The following HAUS8 variants were observed in gnomAD, a reference collection of about 807,000 sequenced individuals.
HAUS8 encodes the protein HAUS augmin-like complex subunit 8.
A neutral mutation model predicts 42.9 loss-of-function variants in HAUS8; 38 were observed. The observed-to-expected ratio is 0.89, with a 90% confidence interval of 0.68 to 1.16. The LOEUF (loss-of-function observed/expected upper bound fraction) is 1.16, where lower values mean the gene tolerates loss of function less well. Among genes scored for constraint, HAUS8 ranks in the 50% most tolerant of loss-of-function variants. HAUS8 has a pLI of 0.00. For missense variants in HAUS8, 494 were observed against 511.6 expected (o/e 0.97, Z 0.33); for synonymous variants, 199 against 205.8 (o/e 0.97, Z 0.28).
In HAUS8 at chr19:17,058,599, G is replaced by A; in HGVS notation, c.595C>T (p.Leu199Phe). Residue 199 changes from leucine (L) to phenylalanine (F), a missense_variant, in exon 8 of 11, where the codon CTT becomes TTT. By Grantham distance (22) the Leu-to-Phe change is conservative. Coordinates refer to ENST00000253669, the MANE Select transcript of HAUS8 (RefSeq NM_033417.2). ...TCCCGCTTCCTCTGAGAGAGGAGAA[G>A]CCTGCGCTTCAGCTCGTGGGCCTTT... is the stretch of plus-strand genomic sequence containing the variant. ...QKKAHELKRR[L>F]LLSQRKRELA... The A allele has an allele frequency of 6.2e-7, 1 of 1,613,268 alleles. No homozygotes were observed. Among genetic ancestry groups the A allele is most frequent in the Non-Finnish European group, 8.5e-7 (1 of 1,179,756 alleles).
chr19:17,072,898 T>C (rs2057436806), intron 2 of HAUS8, among the ~76,000 whole-genome samples: 1 of 148,538 alleles, frequency 6.7e-6, no homozygotes, highest in Admixed American at 6.8e-5. Flanking sequence ...GGAGGATCAC[T>C]TGAGGTTAGG....
intron 4 of HAUS8, among the ~76,000 whole-genome samples, chr19:17,061,462 T>G (rs1194849219): frequency 6.6e-6 from 1 of 152,216 alleles, no homozygotes; most frequent in Non-Finnish European, 1.5e-5. Flanking sequence ...TTATTGTTAT[T>G]GCTTTTGCCC....
intron 8 of HAUS8, among the ~76,000 whole-genome samples, chr19:17,056,908 C>T (rs2057330261): frequency 6.6e-6 from 1 of 152,002 alleles, no homozygotes; most frequent in Non-Finnish European, 1.5e-5. Flanking sequence ...ATAGACAGAT[C>T]TTACTGTGTT....
At chr19:17,070,906 C>T (rs948967420) in intron 2 of HAUS8, among the ~76,000 whole-genome samples, 2 of 152,078 alleles carry the variant, frequency 1.3e-5, no homozygotes, top group Admixed American at 6.5e-5. Flanking sequence ...CCCGTCTCTA[C>T]TAAAACTACA....
chr19:17,071,285 C>T (rs1187056350), intron 2 of HAUS8, among the ~76,000 whole-genome samples: 3 of 152,092 alleles, frequency 2.0e-5, no homozygotes, highest in African/African-American at 7.2e-5. Context: ...AAGGAGGTAC[C>T]CTCAGAGTTA....
chr19:17,055,804 C>CCG (rs1160699895), intron 9 of HAUS8, 57 bp downstream of exon 9: 40 of 1,540,874 alleles, frequency 2.6e-5, no homozygotes, highest in Non-Finnish European at 3.4e-5. Flanking sequence ...CAGGAAGCAC[C>CCG]CACACACGCT....
chr19:17,060,207 C>A, intron 4 of HAUS8, 115 bp from the exon 5 acceptor site: 2 of 407,392 alleles, frequency 4.9e-6, no homozygotes, highest in Non-Finnish European at 8.6e-6. Context: ...AGCCCAATTT[C>A]GTCCAAGGTG....
intron 2 of HAUS8, among the ~76,000 whole-genome samples, chr19:17,070,378 C>G (rs998792407): frequency 4.6e-5 from 7 of 152,234 alleles, no homozygotes; most frequent in Admixed American, 6.5e-5. Flanking sequence ...AGGGCTGAGA[C>G]AGGCTGGCGT....
chr19:17,059,126 G>A (rs2305756), intron 6 of HAUS8, among the ~76,000 whole-genome samples: 67,324 of 152,060 alleles, frequency 0.44, 15,172 homozygotes, highest in South Asian at 0.58. Flanking sequence ...AGCAGCAGCT[G>A]GGTAGTCAAG....
At chr19:17,073,240 C>T (rs779934126) in intron 2 of HAUS8, 34 bp downstream of exon 2, 1 of 1,581,968 alleles carries the variant, frequency 6.3e-7, no homozygotes, top group Non-Finnish European at 8.7e-7. Flanking sequence ...AAGAAGAAAA[C>T]CATGTTCCTT....
At chr19:17,053,390 G>GGCGA in intron 9 of HAUS8, 1 of 194,800 alleles carries the variant, frequency 5.1e-6, no homozygotes, top group South Asian at 9.5e-5. Flanking sequence ...AGGACAACAC[G>GGCGA]CCTCTCTACC....
intron 8 of HAUS8, among the ~76,000 whole-genome samples, chr19:17,057,192 A>C (rs1488696356): frequency 6.6e-6 from 1 of 152,096 alleles, no homozygotes; most frequent in Non-Finnish European, 1.5e-5. Context: ...TGTACTAAAA[A>C]TACAAAATTT....
chr19:17,055,201 G>T (rs1190653116), intron 9 of HAUS8: 1 of 100,772 alleles, frequency 9.9e-6, no homozygotes, highest in Non-Finnish European at 1.8e-5. Flanking sequence ...TAAGCCAGGT[G>T]TGGTGGTGCC....
chr19:17,055,876 C>G lies in HAUS8; in HGVS notation c.772G>C (p.Gly258Arg). The G allele has an allele frequency of 6.2e-7, 1 of 1,614,014 alleles. No homozygotes were observed. The highest frequency in any genetic ancestry group is 8.5e-7 in the Non-Finnish European group (1 of 1,180,010). The part of the protein sequence containing the change: ...PVRSIHLEGD[G>R]QQLLDALQHE... ...CGTTTCCTACCTAAGAGCTGCTGCC[C>G]ATCTCCCTCCAGGTGGATGGACCTC... Residue 258 changes from glycine (G) to arginine (R), a missense_variant, in exon 9 of 11, where the codon GGG (glycine) becomes CGG (arginine). Physicochemically the swap from Gly to Arg is moderately radical, Grantham distance 125. Transcript: ENST00000253669.
intron 6 of HAUS8, 75 bp downstream of exon 6, chr19:17,059,482 C>T (rs912828688): frequency 1.0e-6 from 1 of 1,004,616 alleles, no homozygotes; most frequent in African/African-American, 1.6e-5. Context: ...GGGCACTCAG[C>T]ATCTGGTTCA....
chr19:17,060,346 C>T (rs546378558), intron 4 of HAUS8: 107 of 411,802 alleles, frequency 2.6e-4, no homozygotes, highest in Middle Eastern at 1.4e-3. Context: ...ATAGGCCTTT[C>T]TGCTAGTTCA....
At chr19:17,057,120 A>T (rs1599975141) in intron 8 of HAUS8, among the ~76,000 whole-genome samples, 1 of 151,940 alleles carries the variant, frequency 6.6e-6, no homozygotes. Context: ...GAGGCTAAGG[A>T]GGGCGGATCA....
At chr19:17,054,882 C>T (rs10403908) in intron 9 of HAUS8, among the ~76,000 whole-genome samples, 4 of 151,462 alleles carry the variant, frequency 2.6e-5, no homozygotes, top group Non-Finnish European at 5.9e-5. Context: ...GTGGGAGGAT[C>T]TGAGTAGAGC....
chr19:17,061,052 G>T (rs1010185857), intron 4 of HAUS8, among the ~76,000 whole-genome samples: 1 of 152,140 alleles, frequency 6.6e-6, no homozygotes, highest in African/African-American at 2.4e-5. Context: ...AAAAAAATCT[G>T]GAAAGATCAG....
Sources: gnomAD v4.1 joint callset for allele counts (sites outside exome capture counted in the v4.1 genomes callset) on GRCh38, gnomAD v4.1.1 for gene constraint, MANE v1.5 for transcripts, NCBI Gene and HGNC (gene_info 2026-07-23, HGNC 2026-07-21) for gene names.